Variants in MUC15 observed in about 807,000 individuals in gnomAD.
MUC15 encodes the protein mucin-15.
In MUC15, 23 loss-of-function variants were observed where a neutral mutation model predicts 24.0. The observed-to-expected ratio is 0.96, with a 90% CI of 0.69 to 1.36. The LOEUF (loss-of-function observed/expected upper bound fraction) is 1.36, where lower values mean the gene tolerates loss of function less well. Among genes scored for constraint, MUC15 ranks in the 40% most tolerant of loss-of-function variants. The pLI is 0.00. For synonymous variants in MUC15, 151 were observed against 156.3 expected, an observed-to-expected ratio of 0.97 and a Z score of 0.25; for missense variants, 442 against 428.2, an observed-to-expected ratio of 1.03 and a Z score of -0.29.
intron 3 of MUC15, among the ~76,000 whole-genome samples, chr11:26,564,732 C>T (rs10835003): frequency 3.4e-3 from 87 of 25,316 alleles, no homozygotes; most frequent in East Asian, 0.017. Context: ...CACACACACA[C>T]ATATATATAT....
Position 26,560,168 on chromosome 11 carries a change from T to C in MUC15, c.*897A>G, listed in dbSNP as rs1023813634. Reference sequence around the variant, plus strand: ...TCATCTTTTTTAACCTTATGGTTCATACATTTAGGGATGCAGAATCTATTC... The same window carrying C: ...TCATCTTTTTTAACCTTATGGTTCACACATTTAGGGATGCAGAATCTATTC... On this transcript the variant is annotated 3_prime_UTR_variant, in exon 5 of 5. Coordinates refer to ENST00000529533, the MANE Select transcript of MUC15 (RefSeq NM_001135091.2). 1.2e-5 allele frequency: 2 copies of C among 172,078 alleles called. No homozygotes were observed. The highest frequency in any genetic ancestry group is 3.0e-4 in the East Asian group (2 of 6,582). The allele number at this position is 172,078 out of a possible 1,614,324, so 10.7% of individuals were successfully genotyped here.
Position 26,565,688 on chromosome 11 carries a change from T to C in MUC15, c.252A>G (p.Ser84=). The C allele has an allele frequency of 6.2e-7, 1 of 1,613,374 alleles. No homozygotes were observed. The highest frequency in any genetic ancestry group is 2.2e-5 in the East Asian group (1 of 44,846). ...TTGAGGTGGTTATATTTTCTTTATC[T>C]GAGTTTAAGTTTGCTTCACTTTCCA... is the stretch of plus-strand genomic sequence containing the variant. ...ISLESEANLN[S]DKENITTSNL... The change falls in exon 3 of 5, where the codon TCA becomes TCG. Residue 84 remains serine (S), a synonymous_variant. Coordinates refer to ENST00000529533, the MANE Select transcript of MUC15 (RefSeq NM_001135091.2).
At chr11:26,568,451 T>C (rs1850683809) in intron 1 of MUC15, among the ~76,000 whole-genome samples, 1 of 139,776 alleles carries the variant, frequency 7.2e-6, no homozygotes, top group Non-Finnish European at 1.6e-5. Context: ...CAGCTGCTTT[T>C]TAGAACTTCT....
At position 26,561,038 on chromosome 11, in the gene MUC15, C is replaced by G; in HGVS notation, c.*27G>C. ...AAGGCTAGGATGTAGATGACACTTGCTGTTTAACGCCTTTTTGCTGTTAGT... is the reference window on the plus strand; with the variant it reads ...AAGGCTAGGATGTAGATGACACTTGGTGTTTAACGCCTTTTTGCTGTTAGT... On this transcript the variant is annotated 3_prime_UTR_variant, in exon 5 of 5. Transcript: ENST00000529533. The G allele has an allele frequency of 6.3e-7, 1 of 1,592,666 alleles. No homozygotes were observed. The highest frequency in any genetic ancestry group is 8.5e-7 in the Non-Finnish European group (1 of 1,169,676).
rs543352664 is a variant in MUC15, at chr11:26,567,638, T to G, written c.-45-499A>C. Reference sequence around the variant, plus strand: ...AGCAAGCAATTGCATAATCATATACTTCTAGAATTTTAGACATATTGTATC... The same window carrying G: ...AGCAAGCAATTGCATAATCATATACGTCTAGAATTTTAGACATATTGTATC... On this transcript the variant is annotated intron_variant, in intron 1 of 4. Transcript: ENST00000529533. Among the ~76,000 whole-genome samples the G allele has an allele frequency of 3.3e-5, 5 of 152,108 alleles. No individual in the cohort carries two copies. In the South Asian group the frequency reaches 1.0e-3, roughly 32 times the overall value.
chr11:26,569,100 A>C (rs1360488121), intron 1 of MUC15, among the ~76,000 whole-genome samples: 1 of 152,012 alleles, frequency 6.6e-6, no homozygotes, highest in Admixed American at 6.6e-5. Flanking sequence ...CCTGTAATGA[A>C]AATCTACACA....
chr11:26,559,480 A>G lies in MUC15; in HGVS notation c.*1585T>C, dbSNP rs559506083. 9 of 446,366 alleles carry G rather than the reference A, an allele frequency of 2.0e-5. No individual in the cohort carries two copies. The highest frequency in any genetic ancestry group is 3.5e-5 in the Admixed American group (1 of 28,920). The allele number at this position is 446,366 out of a possible 1,614,324, so 27.7% of individuals were successfully genotyped here. ...TTATAATCAGAAATGATGGTGGGGT[A>G]TAAAGGGAATCAAGAGAGGAGAGAA... is the stretch of plus-strand genomic sequence containing the variant. On this transcript the variant is annotated 3_prime_UTR_variant, in exon 5 of 5. Coordinates refer to ENST00000529533, the MANE Select transcript of MUC15 (RefSeq NM_001135091.2).
At chr11:26,566,593 T>C (rs1281396424) in intron 2 of MUC15, among the ~76,000 whole-genome samples, 3 of 151,906 alleles carry the variant, frequency 2.0e-5, no homozygotes, top group Non-Finnish European at 2.9e-5. Flanking sequence ...CTTCTAGATT[T>C]AAGGATATTC....
At chr11:26,565,934 A>G in intron 2 of MUC15, 38 bp from the exon 3 acceptor site, 1 of 1,490,024 alleles carries the variant, frequency 6.7e-7, no homozygotes, top group African/African-American at 1.4e-5. Context: ...TCCTTAAATA[A>G]AATACTCTGA....
chr11:26,564,757 A>AGTT, intron 3 of MUC15, among the ~76,000 whole-genome samples: 1 of 82,672 alleles, frequency 1.2e-5, no homozygotes, highest in Non-Finnish European at 2.5e-5. Flanking sequence ...ATATATATAT[A>AGTT]TATATATATA....
intron 1 of MUC15, among the ~76,000 whole-genome samples, chr11:26,567,534 C>A (rs1850638259): frequency 6.6e-6 from 1 of 151,926 alleles, no homozygotes; most frequent in African/African-American, 2.4e-5. Flanking sequence ...AATAATTTCT[C>A]ACATGTGGTA....
rs112161196 is a variant in MUC15 at position 26,560,099 on chromosome 11, A to C, written c.*966T>G. Reference sequence around the variant, plus strand: ...CCAAATTAATCTTCTTATATTATTGATTATGAAACTGATGCTCAGTAAAAA... The same window carrying C: ...CCAAATTAATCTTCTTATATTATTGCTTATGAAACTGATGCTCAGTAAAAA... On this transcript the variant is annotated 3_prime_UTR_variant, in exon 5 of 5. Coordinates refer to ENST00000529533, the MANE Select transcript of MUC15 (RefSeq NM_001135091.2). 49 of 234,928 alleles carry C rather than the reference A, an allele frequency of 2.1e-4. 1 individual carries two copies. Among genetic ancestry groups the C allele is most frequent in the African/African-American group, 9.9e-4 (44 of 44,622 alleles). The allele number at this position is 234,928 out of a possible 1,614,324, so 14.6% of individuals were successfully genotyped here.
chr11:26,572,198 C>T lies in MUC15; in HGVS notation c.-203G>A, dbSNP rs1023192277. 23 of 985,442 alleles carry T rather than the reference C, an allele frequency of 2.3e-5. No homozygotes were observed. Among genetic ancestry groups the T allele is most frequent in the East Asian group, 1.1e-4 (1 of 8,794 alleles). 61.0% of individuals were successfully genotyped at this position (985,442 alleles called of 1,614,324 possible). A position where few individuals can be genotyped will look rare whatever the true frequency, so the allele number is the denominator to read the frequency against. Reference sequence around the variant, plus strand: ...GGGAAACAAAATTAGGTGGGGCTGGCTGTATCTTGCTTGTGTAACAGAGCG... The same window carrying T: ...GGGAAACAAAATTAGGTGGGGCTGGTTGTATCTTGCTTGTGTAACAGAGCG... On this transcript the variant is annotated 5_prime_UTR_variant, in exon 1 of 5. Coordinates refer to ENST00000529533, the MANE Select transcript of MUC15 (RefSeq NM_001135091.2).
intron 2 of MUC15, among the ~76,000 whole-genome samples, chr11:26,566,178 AG>A (rs1415541778): frequency 6.6e-6 from 1 of 151,900 alleles, no homozygotes; most frequent in African/African-American, 2.4e-5. Context: ...GCTTGGGAAA[AG>A]GTGGAAGAAA....
chr11:26,561,683 G>T (rs1193671939), intron 4 of MUC15, among the ~76,000 whole-genome samples: 1 of 151,866 alleles, frequency 6.6e-6, no homozygotes, highest in African/African-American at 2.4e-5. Context: ...ACCATTTAAG[G>T]TGGAGGAGAT....
At position 26,565,916 on chromosome 11, in the gene MUC15, A is replaced by G; in HGVS notation, c.44-20T>C. ...AGGAATCTGAAAGAAAATAACCATA[A>G]TTTGAATTCCTTAAATAAAATACTC... is the stretch of plus-strand genomic sequence containing the variant. On this transcript the variant is annotated intron_variant, in intron 2 of 4. Transcript: ENST00000529533. The G allele has an allele frequency of 6.5e-7, 1 of 1,547,970 alleles. No individual in the cohort carries two copies. Among genetic ancestry groups the G allele is most frequent in the Non-Finnish European group, 8.7e-7 (1 of 1,153,560 alleles).
At chr11:26,563,361 C>G (rs968369502) in intron 3 of MUC15, 96 bp from the exon 4 acceptor site, 1 of 1,229,208 alleles carries the variant, frequency 8.1e-7, no homozygotes, top group African/African-American at 1.6e-5. Context: ...GAATGTTTAA[C>G]ATTTTAAAAT....
intron 1 of MUC15, among the ~76,000 whole-genome samples, chr11:26,570,314 A>G (rs1850770685): frequency 6.6e-6 from 1 of 152,104 alleles, no homozygotes; most frequent in Non-Finnish European, 1.5e-5. Flanking sequence ...GAGAAAAAAC[A>G]AAAACAAAAA....
chr11:26,563,387 T>TTC lies in MUC15; in HGVS notation c.776-124_776-123dup, dbSNP rs768122711. 1,352 of 889,380 alleles carry TTC rather than the reference T, an allele frequency of 1.5e-3. 11 individuals are homozygous for TTC. Among genetic ancestry groups the TTC allele is most frequent in the East Asian group, 3.5e-3 (123 of 34,774 alleles). 55.1% of individuals were successfully genotyped at this position (889,380 alleles called of 1,614,324 possible). ...ATTTTAAAATTAGATAATGGTGTGTTTCTCTCTCTGTGTGTGTGTGTGTGT... is the reference window on the plus strand; with the variant it reads ...ATTTTAAAATTAGATAATGGTGTGTTTCTCTCTCTCTGTGTGTGTGTGTGTGT... On this transcript the variant is annotated intron_variant, in intron 3 of 4. Transcript: ENST00000529533.
Sources: allele counts gnomAD v4.1 joint callset (sites outside exome capture counted in the v4.1 genomes callset), GRCh38; gene constraint gnomAD v4.1.1; transcripts MANE v1.5; gene names NCBI Gene and HGNC (gene_info 2026-07-23, HGNC 2026-07-21).